The following ADK variants were observed in gnomAD, a reference collection of about 807,000 sequenced individuals.
ADK encodes N6,N6-dimethyladenosine kinase.
Under a neutral mutation model 44.7 loss-of-function variants are expected in ADK, and 24 were observed. The ratio of observed to expected loss-of-function variants is 0.54; its 90% CI spans 0.39 to 0.76. The LOEUF (loss-of-function observed/expected upper bound fraction) is 0.76, where lower values mean the gene tolerates loss of function less well. ADK is among the 30% of genes least tolerant of loss of function. The probability of loss-of-function intolerance (pLI) is 0.00; values close to 1 mark genes in which losing one functional copy is unlikely to be tolerated. For synonymous variants in ADK, 128 were observed against 142.6 expected (o/e 0.90, Z 0.73); for missense variants, 321 against 425.1 (o/e 0.76, Z 2.15).
intron 7 of ADK, among the ~76,000 whole-genome samples, chr10:74,568,792 A>G (rs909558450): frequency 2.6e-5 from 4 of 151,668 alleles, no homozygotes; most frequent in Non-Finnish European, 4.4e-5. Context: ...TTTTTTTATT[A>G]TACTTTAAGT....
chr10:74,329,279 T>A (rs1707518745), intron 4 of ADK, among the ~76,000 whole-genome samples: 1 of 152,054 alleles, frequency 6.6e-6, no homozygotes, highest in Non-Finnish European at 1.5e-5. Flanking sequence ...GATAACAAAG[T>A]AAAAAACCAA....
In ADK at chr10:74,476,354, G is replaced by A. The variant is rs200598741; in HGVS notation, c.556-48902G>A. On this transcript the variant is annotated intron_variant, in intron 6 of 10. Transcript: ENST00000539909. ...AACAAAAATACAAAATTAGCCGGGC[G>A]TAGTGACACATGCTGTAATCCCAGC... Among the ~76,000 whole-genome samples, 13 of 152,026 alleles carry A rather than the reference G, an allele frequency of 8.6e-5. No homozygotes were observed. In the East Asian group the frequency reaches 1.9e-3, roughly 23 times the overall value.
At chr10:74,213,782 T>G (rs1439726617) in intron 2 of ADK, among the ~76,000 whole-genome samples, 1 of 152,100 alleles carries the variant, frequency 6.6e-6, no homozygotes, top group Non-Finnish European at 1.5e-5. Context: ...CAAATCACAG[T>G]GCAAATATGG....
intron 3 of ADK, among the ~76,000 whole-genome samples, chr10:74,258,335 T>C (rs1366630028): frequency 6.6e-6 from 1 of 152,158 alleles, no homozygotes; most frequent in Non-Finnish European, 1.5e-5. Flanking sequence ...GGATTTGTAC[T>C]AAGATGATTT....
intron 6 of ADK, among the ~76,000 whole-genome samples, chr10:74,486,003 G>A (rs1847254114): frequency 6.6e-6 from 1 of 152,064 alleles, no homozygotes; most frequent in South Asian, 2.1e-4. Context: ...AAATAAGATG[G>A]GAGAATTTAC....
chr10:74,427,762 GAC>G (rs1208372982), intron 6 of ADK, among the ~76,000 whole-genome samples: 1 of 150,892 alleles, frequency 6.6e-6, no homozygotes, highest in African/African-American at 2.4e-5. Context: ...TGTGTGAAGA[GAC>G]ATTCATATAT....
chr10:74,686,770 G>A (rs1855805590), intron 10 of ADK, among the ~76,000 whole-genome samples: 2 of 151,978 alleles, frequency 1.3e-5, no homozygotes, highest in African/African-American at 4.8e-5. Context: ...TCTGCCTCTC[G>A]GGTTCAAGCG....
chr10:74,605,787 C>T (rs1852303622), intron 9 of ADK, among the ~76,000 whole-genome samples: 1 of 152,104 alleles, frequency 6.6e-6, no homozygotes. Flanking sequence ...CCCTCTTTTT[C>T]TATTGTTTGG....
In ADK at chr10:74,356,001, CA is replaced by C. The variant is rs1240341174; in HGVS notation, c.274-38139del. Among the ~76,000 whole-genome samples the C allele has an allele frequency of 1.6e-4, 6 of 36,368 alleles. No individual in the cohort carries two copies. The South Asian group carries it at 2.3e-3, about 14-fold the overall frequency. The allele number at this position is 36,368 out of a possible 152,430, so 23.9% of individuals were successfully genotyped here. On this transcript the variant is annotated intron_variant, in intron 4 of 10. Transcript: ENST00000539909. ...ATCTGAAATATTTCACTAAATAATT[CA>C]TTTTTTTTTTTTTTTTTTTTTTTTT...
At chr10:74,687,335 CCTGT>C (rs1436154587) in intron 10 of ADK, among the ~76,000 whole-genome samples, 1 of 152,202 alleles carries the variant, frequency 6.6e-6, no homozygotes, top group African/African-American at 2.4e-5. Context: ...AGCTTCCCAG[CCTGT>C]CTTTGTTTTC....
chr10:74,170,594 C>T (rs1005294660), intron 1 of ADK, among the ~76,000 whole-genome samples: 3 of 151,694 alleles, frequency 2.0e-5, no homozygotes, highest in Admixed American at 6.6e-5. Context: ...GTCAGGAGAT[C>T]GAGACCATCC....
intron 2 of ADK, among the ~76,000 whole-genome samples, chr10:74,210,184 CTGG>C (rs1379504485): frequency 6.6e-6 from 1 of 152,002 alleles, no homozygotes; most frequent in Non-Finnish European, 1.5e-5. Context: ...AAAAAATTAG[CTGG>C]GTGTGGTGGC....
At chr10:74,630,325 C>CTT (rs774789253) in intron 9 of ADK, among the ~76,000 whole-genome samples, 6 of 142,350 alleles carry the variant, frequency 4.2e-5, no homozygotes, top group Admixed American at 2.1e-4. Context: ...AATTATCCCA[C>CTT]TTTTTTTTTT....
At chr10:74,467,491 T>G (rs1416703921) in intron 6 of ADK, among the ~76,000 whole-genome samples, 3 of 152,158 alleles carry the variant, frequency 2.0e-5, no homozygotes, top group African/African-American at 7.2e-5. Flanking sequence ...TATTAGTACT[T>G]AGAATTCAAA....
At chr10:74,677,474 AATTGCTGCTTC>A (rs1855433944) in intron 10 of ADK, among the ~76,000 whole-genome samples, 1 of 152,016 alleles carries the variant, frequency 6.6e-6, no homozygotes, top group African/African-American at 2.4e-5. Flanking sequence ...CATTCTTCTT[AATTGCTGCTTC>A]ATTGTGCTAT....
At chr10:74,172,796 C>T (rs2132058668) in intron 1 of ADK, among the ~76,000 whole-genome samples, 2 of 150,902 alleles carry the variant, frequency 1.3e-5, no homozygotes, top group African/African-American at 2.4e-5. Flanking sequence ...ATTTGCCAGG[C>T]CTGGTGGCGC....
intron 3 of ADK, among the ~76,000 whole-genome samples, chr10:74,263,049 T>G (rs1264948528): frequency 1.3e-5 from 2 of 152,194 alleles, no homozygotes; most frequent in East Asian, 3.8e-4. Context: ...ATATGTTATA[T>G]TGACCTCATG....
intron 3 of ADK, among the ~76,000 whole-genome samples, chr10:74,304,699 G>A (rs558993995): frequency 2.6e-5 from 4 of 152,274 alleles, no homozygotes; most frequent in Non-Finnish European, 5.9e-5. Context: ...GTTAAAATTT[G>A]TATAGGTTGG....
At chr10:74,469,196 G>C (rs371256630) in intron 6 of ADK, among the ~76,000 whole-genome samples, 2 of 151,936 alleles carry the variant, frequency 1.3e-5, no homozygotes, top group African/African-American at 4.8e-5. Flanking sequence ...AAAATTAGCC[G>C]GGCATGATAG....
Sources: allele counts gnomAD v4.1 joint callset (sites outside exome capture counted in the v4.1 genomes callset), GRCh38; gene constraint gnomAD v4.1.1; transcripts MANE v1.5; gene names NCBI Gene and HGNC (gene_info 2026-07-23, HGNC 2026-07-21).